Variants in CASQ2 observed in about 807,000 individuals in gnomAD.
The protein encoded by CASQ2 is calsequestrin 2.
CASQ2 carries 49 observed loss-of-function variants against 46.5 expected under a neutral mutation model. The observed-to-expected ratio is 1.05, with a 90% CI of 0.84 to 1.34. The LOEUF (loss-of-function observed/expected upper bound fraction) is 1.34, where lower values mean the gene tolerates loss of function less well. CASQ2 is among the 40% of genes most tolerant of loss of function. The pLI, the probability that CASQ2 is intolerant of heterozygous loss-of-function variation, is 0.00. For missense variants in CASQ2, 486 were observed against 481.3 expected, an observed-to-expected ratio of 1.01 and a Z score of -0.09; for synonymous variants, 174 against 168.5, an observed-to-expected ratio of 1.03 and a Z score of -0.25.
chr1:115,762,630 A>C (rs531273201), intron 1 of CASQ2, among the ~76,000 whole-genome samples: 1 of 152,344 alleles, frequency 6.6e-6, no homozygotes, highest in South Asian at 2.1e-4. Flanking sequence ...AGGTCCTTGC[A>C]TGTCTCCTTC....
intron 1 of CASQ2, among the ~76,000 whole-genome samples, chr1:115,757,734 C>A (rs1034091584): frequency 2.6e-5 from 4 of 152,036 alleles, no homozygotes; most frequent in African/African-American, 9.7e-5. Context: ...TCAATTTTAC[C>A]CATATTTTGG....
chr1:115,768,676 G>A lies in CASQ2; in HGVS notation c.-135C>T. 1 of 687,942 alleles carries A rather than the reference G, an allele frequency of 1.5e-6. No individual in the cohort carries two copies. The highest frequency in any genetic ancestry group is 1.7e-5 in the South Asian group (1 of 60,442). The allele number at this position is 687,942 out of a possible 1,614,324, so 42.6% of individuals were successfully genotyped here. On this transcript the variant is annotated 5_prime_UTR_variant, in exon 1 of 11. Transcript: ENST00000261448. Reference sequence around the variant, plus strand: ...TCTCTTCTTTGCCCTTCCTGGGGCTGAAAAGTGACTCTTCACCTCCTTGGG... The same window carrying A: ...TCTCTTCTTTGCCCTTCCTGGGGCTAAAAAGTGACTCTTCACCTCCTTGGG...
At position 115,717,865 on chromosome 1, in the gene CASQ2, C is replaced by T; in HGVS notation, c.813G>A (p.Val271=). 2 of 1,611,762 alleles carry T rather than the reference C, an allele frequency of 1.2e-6. No homozygotes were observed. Among genetic ancestry groups the T allele is most frequent in the Non-Finnish European group, 1.7e-6 (2 of 1,177,870 alleles). Residue 271 remains valine, a synonymous_variant, in exon 8 of 11, where the codon GTG becomes GTA. Transcript: ENST00000261448. ...CTGGATCACTCTTCTCTGCAAAGGCCACAATGTGGATCCCATTCAAATCAT... is the reference window on the plus strand; with the variant it reads ...CTGGATCACTCTTCTCTGCAAAGGCTACAATGTGGATCCCATTCAAATCAT... The part of the protein sequence containing the change: ...WEDDLNGIHI[V]AFAEKSDPDG...
intron 8 of CASQ2, among the ~76,000 whole-genome samples, chr1:115,717,637 C>G (rs1225215643): frequency 6.6e-6 from 1 of 152,242 alleles, no homozygotes; most frequent in Non-Finnish European, 1.5e-5. Context: ...CTATAACATT[C>G]TGATTTGTTC....
intron 8 of CASQ2, among the ~76,000 whole-genome samples, chr1:115,717,299 G>T (rs931975353): frequency 6.6e-6 from 1 of 152,088 alleles, no homozygotes; most frequent in African/African-American, 2.4e-5. Flanking sequence ...TCTCTTTTAG[G>T]TTCTGCATAC....
intron 4 of CASQ2, among the ~76,000 whole-genome samples, chr1:115,733,270 G>A (rs554392484): frequency 1.4e-4 from 21 of 152,042 alleles, no homozygotes; most frequent in African/African-American, 3.9e-4. Context: ...AGAAAAAGAC[G>A]CGTAAAACTC....
chr1:115,732,525 C>A (rs1208050870), intron 5 of CASQ2, among the ~76,000 whole-genome samples: 1 of 152,130 alleles, frequency 6.6e-6, no homozygotes, highest in Non-Finnish European at 1.5e-5. Flanking sequence ...TACTTCCCAT[C>A]CTGACGCAGT....
intron 9 of CASQ2, among the ~76,000 whole-genome samples, chr1:115,704,847 A>G (rs1429997170): frequency 1.3e-5 from 2 of 152,214 alleles, no homozygotes; most frequent in South Asian, 2.1e-4. Context: ...CCTCAGAACG[A>G]TGGTCCCCAC....
intron 3 of CASQ2, among the ~76,000 whole-genome samples, chr1:115,739,965 A>G (rs1030671503): frequency 6.6e-6 from 1 of 152,186 alleles, no homozygotes; most frequent in Non-Finnish European, 1.5e-5. Context: ...GGCCAAGCAC[A>G]GTGCGTCATG....
At chr1:115,764,776 C>T (rs1056223632) in intron 1 of CASQ2, among the ~76,000 whole-genome samples, 7 of 152,176 alleles carry the variant, frequency 4.6e-5, no homozygotes, top group African/African-American at 7.2e-5. Flanking sequence ...CTCCTGGTGT[C>T]ATATTACTTG....
intron 7 of CASQ2, among the ~76,000 whole-genome samples, chr1:115,725,227 C>T (rs149099265): frequency 8.6e-4 from 130 of 152,038 alleles, no homozygotes; most frequent in Non-Finnish European, 1.5e-3. Flanking sequence ...CGACCATGCT[C>T]GGTTACTTTT....
At chr1:115,704,708 C>T (rs1057402165) in intron 9 of CASQ2, among the ~76,000 whole-genome samples, 8 of 152,192 alleles carry the variant, frequency 5.3e-5, no homozygotes, top group Admixed American at 3.3e-4. Flanking sequence ...TCATCGTAGG[C>T]TAGACACTAT....
At chr1:115,701,546 G>A (rs1341642527) in intron 10 of CASQ2, 120 bp from the exon 11 acceptor site, 6 of 725,952 alleles carry the variant, frequency 8.3e-6, no homozygotes, top group African/African-American at 5.2e-5. Flanking sequence ...TATTAGGAAC[G>A]TGCACATTGT....
intron 4 of CASQ2, among the ~76,000 whole-genome samples, chr1:115,735,708 T>G (rs979480064): frequency 5.3e-5 from 8 of 152,188 alleles, no homozygotes; most frequent in African/African-American, 1.7e-4. Context: ...CTGTAATCCT[T>G]TCAAATTCAT....
At chr1:115,761,508 GAAGAAGAAGAAGAAGAAGAA>G (rs1291825425) in intron 1 of CASQ2, among the ~76,000 whole-genome samples, 3 of 101,702 alleles carry the variant, frequency 2.9e-5, no homozygotes, top group Non-Finnish European at 2.1e-5. Flanking sequence ...AGAAGAAGAA[GAAGAAGAAGAAGAAGAAGAA>G]GAGTTCATAA....
chr1:115,765,328 ACT>A (rs1345401889), intron 1 of CASQ2, among the ~76,000 whole-genome samples: 2 of 152,086 alleles, frequency 1.3e-5, no homozygotes, highest in Non-Finnish European at 2.9e-5. Flanking sequence ...TGACCTCCTC[ACT>A]CTGTGGATGG....
At chr1:115,727,187 C>A in intron 5 of CASQ2, 65 bp from the exon 6 acceptor site, 1 of 1,238,322 alleles carries the variant, frequency 8.1e-7, no homozygotes, top group South Asian at 1.2e-5. Context: ...GTGTGTTGTC[C>A]ATCTAAGATA....
intron 4 of CASQ2, among the ~76,000 whole-genome samples, chr1:115,736,071 G>A (rs1647945674): frequency 6.6e-6 from 1 of 151,444 alleles, no homozygotes; most frequent in Non-Finnish European, 1.5e-5. Flanking sequence ...GCTGAGGCAG[G>A]AGAGTTGCTT....
At chr1:115,724,536 A>G (rs2101076083) in intron 7 of CASQ2, among the ~76,000 whole-genome samples, 1 of 152,338 alleles carries the variant, frequency 6.6e-6, no homozygotes, top group South Asian at 2.1e-4. Flanking sequence ...GATGCATGAA[A>G]TGCTTTGAAA....
Sources: allele counts gnomAD v4.1 joint callset (sites outside exome capture counted in the v4.1 genomes callset), GRCh38; gene constraint gnomAD v4.1.1; transcripts MANE v1.5; gene names NCBI Gene and HGNC (gene_info 2026-07-23, HGNC 2026-07-21).